RYR2: variants seen among roughly 807,000 people sequenced by gnomAD.
The protein encoded by RYR2 is cardiac muscle ryanodine receptor-calcium release channel.
In RYR2, 227 loss-of-function variants were observed where a neutral mutation model predicts 601.1. The observed-to-expected ratio is 0.38, with a 90% confidence interval of 0.34 to 0.42. The LOEUF (loss-of-function observed/expected upper bound fraction) is 0.42. Ranked by LOEUF, RYR2 falls within the 10% of genes least tolerant of loss-of-function variation. The pLI is 1.00. For synonymous variants in RYR2, 2,223 were observed against 2,175.1 expected (o/e 1.02, Z -0.61); for missense variants, 4,646 against 6,156.5 (o/e 0.75, Z 8.21).
intron 1 of RYR2, among the ~76,000 whole-genome samples, chr1:237,226,185 A>G (rs1684344870): frequency 6.6e-6 from 1 of 152,204 alleles, no homozygotes; most frequent in Non-Finnish European, 1.5e-5. Context: ...GAACGGTTTT[A>G]TGGCTCAGTG....
At chr1:237,502,922 AG>A (rs1245030515) in intron 21 of RYR2, among the ~76,000 whole-genome samples, 1 of 151,888 alleles carries the variant, frequency 6.6e-6, no homozygotes, top group Non-Finnish European at 1.5e-5. Context: ...TATTTAGATC[AG>A]GTCTTTTCTT....
intron 17 of RYR2, among the ~76,000 whole-genome samples, chr1:237,472,088 A>G (rs190973708): frequency 2.7e-3 from 407 of 152,250 alleles, no homozygotes; most frequent in Non-Finnish European, 4.1e-3. Context: ...TGTAGTTAAC[A>G]TTTATGCTTT....
At chr1:237,506,921 A>G in intron 23 of RYR2, 107 bp downstream of exon 23, 3 of 959,074 alleles carry the variant, frequency 3.1e-6, no homozygotes, top group Non-Finnish European at 4.8e-6. Flanking sequence ...AGTTAGTTGG[A>G]TTGATTTTTT....
chr1:237,488,722 C>T (rs1199949053), intron 17 of RYR2, among the ~76,000 whole-genome samples: 1 of 151,980 alleles, frequency 6.6e-6, no homozygotes, highest in Admixed American at 6.6e-5. Context: ...GTAATATTCT[C>T]CCCCGCCCTT....
intron 1 of RYR2, among the ~76,000 whole-genome samples, chr1:237,267,019 G>C (rs956406856): frequency 6.6e-6 from 1 of 152,186 alleles, no homozygotes; most frequent in Non-Finnish European, 1.5e-5. Context: ...AAGTGAGTTG[G>C]TCTCATACAT....
chr1:237,098,355 A>G (rs1038476492), intron 1 of RYR2, among the ~76,000 whole-genome samples: 2 of 151,740 alleles, frequency 1.3e-5, no homozygotes, highest in Non-Finnish European at 2.9e-5. Context: ...CAGCTAATAT[A>G]TCCATCACCT....
At chr1:237,243,531 C>T (rs924382953) in intron 1 of RYR2, among the ~76,000 whole-genome samples, 1 of 152,202 alleles carries the variant, frequency 6.6e-6, no homozygotes, top group Non-Finnish European at 1.5e-5. Flanking sequence ...CACCCAGGAA[C>T]TTCCACATGT....
At chr1:237,565,141 T>TTCTC (rs1357744639) in intron 27 of RYR2, among the ~76,000 whole-genome samples, 1 of 47,516 alleles carries the variant, frequency 2.1e-5, no homozygotes, top group Non-Finnish European at 5.2e-5. Context: ...CTTTCTTTCT[T>TTCTC]TTTCTTTCTT....
intron 1 of RYR2, among the ~76,000 whole-genome samples, chr1:237,266,445 T>C (rs1295779161): frequency 6.6e-6 from 1 of 152,144 alleles, no homozygotes; most frequent in Admixed American, 6.5e-5. Context: ...ATATGGATAA[T>C]CATAAATAGA....
chr1:237,421,531 T>C (rs1221086341), intron 11 of RYR2, among the ~76,000 whole-genome samples: 1 of 152,194 alleles, frequency 6.6e-6, no homozygotes, highest in Non-Finnish European at 1.5e-5. Context: ...ATTCTACTGC[T>C]AATTTTCTAT....
Position 237,569,157 on chromosome 1 carries a change from C to T in RYR2, c.3436C>T (p.His1146Tyr). Reference sequence around the variant, plus strand: ...GTCCTCTGTATAGGCCCAGCGGTGGCATCAGGGCAATGAACACTATGGGCG... The same window carrying T: ...GTCCTCTGTATAGGCCCAGCGGTGGTATCAGGGCAATGAACACTATGGGCG... ...AFDGFKAQRW[H>Y]QGNEHYGRSW... The change falls in exon 29 of 105, where the codon CAT becomes TAT. Residue 1146 changes from histidine to tyrosine, a missense_variant. Physicochemically the swap from His to Tyr is moderately conservative, Grantham distance 83. Around this residue, in one of 17 missense-constraint regions of RYR2, gnomAD observed 1,807 missense variants for 2,088.1 expected, o/e 0.87. Coordinates refer to ENST00000366574, the MANE Select transcript of RYR2 (RefSeq NM_001035.3). The T allele has an allele frequency of 6.2e-7, 1 of 1,613,554 alleles. No homozygotes were observed. The highest frequency in any genetic ancestry group is 8.5e-7 in the Non-Finnish European group (1 of 1,179,682).
At chr1:237,092,337 A>C (rs1291998976) in intron 1 of RYR2, among the ~76,000 whole-genome samples, 1 of 152,076 alleles carries the variant, frequency 6.6e-6, no homozygotes, top group Non-Finnish European at 1.5e-5. Context: ...CCTCAAATTA[A>C]AGAGTGTTTG....
At chr1:237,395,385 T>G (rs1369172606) in intron 10 of RYR2, among the ~76,000 whole-genome samples, 1 of 152,182 alleles carries the variant, frequency 6.6e-6, no homozygotes, top group Non-Finnish European at 1.5e-5. Context: ...CTATTCAATA[T>G]CAACTCTAAA....
At chr1:237,250,343 A>G (rs1393607139) in intron 1 of RYR2, among the ~76,000 whole-genome samples, 1 of 152,124 alleles carries the variant, frequency 6.6e-6, no homozygotes, top group Non-Finnish European at 1.5e-5. Flanking sequence ...TTTTTAGAAT[A>G]CTCAACTCAG....
At chr1:237,096,265 T>G (rs551318271) in intron 1 of RYR2, among the ~76,000 whole-genome samples, 63 of 152,344 alleles carry the variant, frequency 4.1e-4, no homozygotes, top group African/African-American at 1.4e-3. Context: ...AATCTCTTCC[T>G]GGGCTTGTTT....
intron 68 of RYR2, 136 bp from the exon 69 acceptor site, chr1:237,708,722 A>G: frequency 1.6e-6 from 1 of 611,008 alleles, no homozygotes; most frequent in Non-Finnish European, 2.7e-6. Flanking sequence ...AAAATGGCTG[A>G]GGCATGAGCT....
chr1:237,800,111 TTGTCACACTAA>T (rs1421832683), intron 97 of RYR2: 1 of 152,200 alleles, frequency 6.6e-6, no homozygotes, highest in Non-Finnish European at 1.5e-5. Flanking sequence ...TGATGGTATA[TTGTCACACTAA>T]TGTATGCTAG....
intron 1 of RYR2, among the ~76,000 whole-genome samples, chr1:237,213,191 T>G (rs1166735782): frequency 6.6e-6 from 1 of 152,010 alleles, no homozygotes; most frequent in Non-Finnish European, 1.5e-5. Flanking sequence ...TAAATATTTT[T>G]TTTTGACACA....
intron 4 of RYR2, among the ~76,000 whole-genome samples, chr1:237,362,608 T>C (rs1210444614): frequency 1.3e-5 from 2 of 152,224 alleles, no homozygotes; most frequent in Admixed American, 6.5e-5. Context: ...TTTGTTTTAA[T>C]GCGCTTTGCT....
Sources: gnomAD v4.1 joint callset for allele counts (sites outside exome capture counted in the v4.1 genomes callset) on GRCh38, gnomAD v4.1.1 for gene constraint, gnomAD v4.1.1 regional missense constraint, MANE v1.5 for transcripts, NCBI Gene and HGNC (gene_info 2026-07-23, HGNC 2026-07-21) for gene names.